Variants in ADAMTS3 observed in about 807,000 individuals in gnomAD.
The protein encoded by ADAMTS3 is A disintegrin and metalloproteinase with thrombospondin motifs 3.
In ADAMTS3, 73 loss-of-function variants were observed where a neutral mutation model predicts 129.0. The observed-to-expected ratio is 0.57, with a 90% CI of 0.47 to 0.69. ADAMTS3 has a LOEUF of 0.69. Ranked by LOEUF, ADAMTS3 falls within the 30% of genes least tolerant of loss-of-function variation. ADAMTS3 has a pLI of 0.00. For missense variants in ADAMTS3, 1,457 were observed against 1,514.5 expected, an observed-to-expected ratio of 0.96 and a Z score of 0.63; for synonymous variants, 477 against 510.8, an observed-to-expected ratio of 0.93 and a Z score of 0.89.
At chr4:72,366,680 A>T (rs556582000) in intron 4 of ADAMTS3, among the ~76,000 whole-genome samples, 3 of 152,154 alleles carry the variant, frequency 2.0e-5, no homozygotes, top group African/African-American at 4.8e-5. Flanking sequence ...AGGACATTAA[A>T]GCATTCAGAA....
chr4:72,374,590 A>AT (rs1721092226), intron 4 of ADAMTS3, among the ~76,000 whole-genome samples: 1 of 152,152 alleles, frequency 6.6e-6, no homozygotes, highest in South Asian at 2.1e-4. Flanking sequence ...AGATTTTTAT[A>AT]TTTTTTTCCT....
At chr4:72,442,721 C>A (rs1290035797) in intron 3 of ADAMTS3, among the ~76,000 whole-genome samples, 2 of 151,804 alleles carry the variant, frequency 1.3e-5, no homozygotes, top group Non-Finnish European at 2.9e-5. Flanking sequence ...AGAGGGATTG[C>A]TCCGAATGGG....
intron 4 of ADAMTS3, among the ~76,000 whole-genome samples, chr4:72,401,650 G>C (rs1226254104): frequency 6.6e-6 from 1 of 150,570 alleles, no homozygotes; most frequent in Non-Finnish European, 1.5e-5. Flanking sequence ...CAAATCACAT[G>C]CTCAAAGAAA....
intron 4 of ADAMTS3, among the ~76,000 whole-genome samples, chr4:72,346,610 G>C (rs1247482093): frequency 6.6e-6 from 1 of 152,018 alleles, no homozygotes; most frequent in Admixed American, 6.6e-5. Context: ...AAGGTTGTCA[G>C]ATAAAATAAA....
intron 11 of ADAMTS3, among the ~76,000 whole-genome samples, chr4:72,314,573 A>G (rs1175145652): frequency 6.6e-6 from 1 of 152,198 alleles, no homozygotes; most frequent in African/African-American, 2.4e-5. Context: ...CATTTGTTAA[A>G]ACTCAACTTC....
intron 4 of ADAMTS3, among the ~76,000 whole-genome samples, chr4:72,351,399 G>T (rs1578606208): frequency 6.6e-6 from 1 of 151,752 alleles, no homozygotes; most frequent in Middle Eastern, 3.2e-3. Flanking sequence ...GATGAAGTTA[G>T]GCAGTAGTGA....
At position 72,318,563 on chromosome 4, in the gene ADAMTS3, G is replaced by A; in HGVS notation, c.1485+9C>T. The A allele has an allele frequency of 1.2e-6, 2 of 1,612,258 alleles. No individual in the cohort carries two copies. Among genetic ancestry groups the A allele is most frequent in the Middle Eastern group, 1.7e-4 (1 of 6,052 alleles). On this transcript the variant is annotated intron_variant, in intron 10 of 21. Coordinates refer to ENST00000286657, the MANE Select transcript of ADAMTS3 (RefSeq NM_014243.3). ...GCTGCAAAATCTACATCAACTGTGA[G>A]CAACATACCGCGGTGCACATTTTAT...
intron 3 of ADAMTS3, among the ~76,000 whole-genome samples, chr4:72,520,780 C>A (rs1179408488): frequency 6.6e-6 from 1 of 152,126 alleles, no homozygotes; most frequent in Non-Finnish European, 1.5e-5. Flanking sequence ...AACTCCCTGA[C>A]CCCTTGTGCT....
chr4:72,417,293 C>T (rs561564226), intron 3 of ADAMTS3, among the ~76,000 whole-genome samples: 2 of 152,140 alleles, frequency 1.3e-5, no homozygotes, highest in African/African-American at 2.4e-5. Flanking sequence ...AAGCGGTCAG[C>T]GACTCTGAGC....
At chr4:72,423,790 A>C (rs1722503967) in intron 3 of ADAMTS3, among the ~76,000 whole-genome samples, 1 of 152,094 alleles carries the variant, frequency 6.6e-6, no homozygotes, top group Admixed American at 6.6e-5. Context: ...ATTGATCTGA[A>C]GCTGTATTCG....
chr4:72,362,991 T>C (rs1372006741), intron 4 of ADAMTS3, among the ~76,000 whole-genome samples: 1 of 152,054 alleles, frequency 6.6e-6, no homozygotes, highest in East Asian at 1.9e-4. Flanking sequence ...ATCAGGTATA[T>C]GAATGACAGT....
chr4:72,567,517 G>A, intron 1 of ADAMTS3, 116 bp from the exon 2 acceptor site: 1 of 1,042,962 alleles, frequency 9.6e-7, no homozygotes. Context: ...GGAGATGCTA[G>A]AGACTGGGAT....
At chr4:72,351,154 G>A (rs1057456174) in intron 4 of ADAMTS3, among the ~76,000 whole-genome samples, 1 of 152,012 alleles carries the variant, frequency 6.6e-6, no homozygotes. Flanking sequence ...ACGTCTTGCA[G>A]ACTGTTGTTT....
At chr4:72,399,118 T>C (rs543311499) in intron 4 of ADAMTS3, among the ~76,000 whole-genome samples, 74 of 152,304 alleles carry the variant, frequency 4.9e-4, no homozygotes, top group African/African-American at 1.7e-3. Flanking sequence ...TATTATCTAA[T>C]TAAAAATGTG....
At chr4:72,379,007 C>A (rs1230795816) in intron 4 of ADAMTS3, among the ~76,000 whole-genome samples, 1 of 152,118 alleles carries the variant, frequency 6.6e-6, no homozygotes, top group Non-Finnish European at 1.5e-5. Context: ...CAGTTCCTTA[C>A]CATGAGGTCC....
intron 3 of ADAMTS3, among the ~76,000 whole-genome samples, chr4:72,432,350 C>T (rs1227574139): frequency 6.6e-6 from 1 of 151,828 alleles, no homozygotes; most frequent in Admixed American, 6.6e-5. Context: ...TTCACAGTAC[C>T]GGTATCTGCT....
intron 3 of ADAMTS3, among the ~76,000 whole-genome samples, chr4:72,457,368 G>T (rs1418508517): frequency 4.6e-5 from 7 of 151,652 alleles, no homozygotes; most frequent in Non-Finnish European, 1.0e-4. Flanking sequence ...ATCTTAAGAG[G>T]TTTGGAATAT....
intron 3 of ADAMTS3, among the ~76,000 whole-genome samples, chr4:72,516,295 G>A (rs546792949): frequency 2.6e-5 from 4 of 152,160 alleles, no homozygotes; most frequent in Admixed American, 6.5e-5. Context: ...CGTTCTTTTA[G>A]CTTAGGATTG....
chr4:72,519,912 C>A (rs1720613726), intron 3 of ADAMTS3, among the ~76,000 whole-genome samples: 1 of 152,226 alleles, frequency 6.6e-6, no homozygotes, highest in Admixed American at 6.5e-5. Flanking sequence ...AGGAGAGGCA[C>A]TCTGCTTTTT....
Sources: gnomAD v4.1 joint callset for allele counts (sites outside exome capture counted in the v4.1 genomes callset) on GRCh38, gnomAD v4.1.1 for gene constraint, MANE v1.5 for transcripts, NCBI Gene and HGNC (gene_info 2026-07-23, HGNC 2026-07-21) for gene names.